The following ADSS2 variants were observed in gnomAD, a reference collection of about 807,000 sequenced individuals.
ADSS2 encodes adenylosuccinate synthase 2, also known as adenylosuccinate synthetase isozyme 2.
A neutral mutation model predicts 60.0 loss-of-function variants in ADSS2; 30 were observed. That is an observed-to-expected ratio of 0.50 (90% CI 0.37 to 0.68). ADSS2 has a LOEUF of 0.68. Ranked by LOEUF, ADSS2 falls within the 30% of genes least tolerant of loss-of-function variation. ADSS2 has a pLI of 0.00. For missense variants in ADSS2, 373 were observed against 554.8 expected, an observed-to-expected ratio of 0.67 and a Z score of 3.29; for synonymous variants, 187 against 193.1, an observed-to-expected ratio of 0.97 and a Z score of 0.26.
intron 3 of ADSS2, among the ~76,000 whole-genome samples, chr1:244,435,706 C>T (rs911399325): frequency 2.0e-5 from 3 of 152,156 alleles, no homozygotes; most frequent in Non-Finnish European, 4.4e-5. Flanking sequence ...CACCAACATT[C>T]TTGACTCTGA....
At chr1:244,421,961 G>A (rs987491040) in intron 7 of ADSS2, among the ~76,000 whole-genome samples, 5 of 152,134 alleles carry the variant, frequency 3.3e-5, no homozygotes, top group East Asian at 3.9e-4. Flanking sequence ...GTGACAAAGC[G>A]AGACCCTGTC....
chr1:244,419,269 C>T (rs144181539), intron 8 of ADSS2: 333 of 162,624 alleles, frequency 2.0e-3, no homozygotes, highest in African/African-American at 7.3e-3. Flanking sequence ...ACAAATATGA[C>T]TCCCTCATAC....
intron 10 of ADSS2, among the ~76,000 whole-genome samples, chr1:244,416,900 G>C (rs1256820583): frequency 1.3e-5 from 2 of 152,164 alleles, no homozygotes; most frequent in African/African-American, 4.8e-5. Flanking sequence ...CTGGAAAACA[G>C]GTTTTAAAGA....
In ADSS2 at chr1:244,437,736, CACA is replaced by C; in HGVS notation, c.213_215del (p.Val72del). On this transcript the variant is annotated inframe_deletion, in exon 2 of 13. Coordinates refer to ENST00000366535, the MANE Select transcript of ADSS2 (RefSeq NM_001126.5). Reference sequence around the variant, plus strand: ...GATGAAAATCATATTCCACAGAATCCACAACAACTGTATGGCCAGCATTATTTC... The same window carrying C: ...GATGAAAATCATATTCCACAGAATCCACAACTGTATGGCCAGCATTATTTC... The C allele has an allele frequency of 6.2e-7, 1 of 1,608,318 alleles. No homozygotes were observed. The highest frequency in any genetic ancestry group is 8.5e-7 in the Non-Finnish European group (1 of 1,175,000).
In ADSS2 at chr1:244,417,681, G is replaced by C. The variant is rs1428560406; in HGVS notation, c.1017C>G (p.Gly339=). The part of the protein sequence containing the change: ...GVTTGRKRRC[G]WLDLVLLKYA... ...ATTTGAGCAAAACGAGGTCCAACCA[G>C]CCACATCTTCTTTTCCTTCCAGTAG... Residue 339 remains glycine (G), a synonymous_variant, in exon 10 of 13, where the codon GGC becomes GGG. Transcript: ENST00000366535. The C allele has an allele frequency of 1.9e-6, 3 of 1,612,850 alleles. No homozygotes were observed. The highest frequency in any genetic ancestry group is 2.5e-6 in the Non-Finnish European group (3 of 1,179,784).
At position 244,417,654 on chromosome 1, in the gene ADSS2, A is replaced by G. The variant is rs1208855283; in HGVS notation, c.1044T>C (p.Tyr348=). ...CAGTAAATCCATTGATCATATGAGC[A>G]TATTTGAGCAAAACGAGGTCCAACC... ...CGWLDLVLLK[Y]AHMINGFTAL... is the part of the protein sequence containing the mutation. Residue 348 remains tyrosine, a synonymous_variant, in exon 10 of 13, where the codon TAT becomes TAC. Coordinates refer to ENST00000366535, the MANE Select transcript of ADSS2 (RefSeq NM_001126.5). The G allele has an allele frequency of 3.0e-5, 49 of 1,612,402 alleles. No individual in the cohort carries two copies. The highest frequency in any genetic ancestry group is 3.8e-5 in the Non-Finnish European group (45 of 1,179,954).
chr1:244,418,492 T>A (rs1656310827), intron 9 of ADSS2, among the ~76,000 whole-genome samples: 1 of 152,116 alleles, frequency 6.6e-6, no homozygotes, highest in African/African-American at 2.4e-5. Flanking sequence ...AGCTAATGTT[T>A]GTATTTTTTG....
intron 7 of ADSS2, among the ~76,000 whole-genome samples, chr1:244,422,052 T>C (rs1458221667): frequency 6.6e-6 from 1 of 152,184 alleles, no homozygotes; most frequent in African/African-American, 2.4e-5. Flanking sequence ...CAATAATCAG[T>C]GCACTGAAAT....
chr1:244,439,464 C>A (rs1010947207), intron 1 of ADSS2, among the ~76,000 whole-genome samples: 2 of 152,170 alleles, frequency 1.3e-5, no homozygotes, highest in Non-Finnish European at 2.9e-5. Context: ...GAACTAGGGC[C>A]TGTGACGGGG....
intron 1 of ADSS2, among the ~76,000 whole-genome samples, chr1:244,447,059 T>G (rs922009886): frequency 3.3e-5 from 5 of 152,154 alleles, no homozygotes; most frequent in African/African-American, 9.7e-5. Context: ...CAGAGCCAGA[T>G]TAGCCACAGG....
chr1:244,423,058 T>C (rs1263823989), intron 6 of ADSS2, 142 bp from the exon 7 acceptor site: 1 of 532,954 alleles, frequency 1.9e-6, no homozygotes, highest in Non-Finnish European at 3.3e-6. Flanking sequence ...TTCTGAGAAA[T>C]AAAATTTAAT....
rs1221400100 is a variant in ADSS2, at chr1:244,437,662, T to C, written c.286+4A>G. 2 of 1,559,626 alleles carry C rather than the reference T, an allele frequency of 1.3e-6. No homozygotes were observed. The highest frequency in any genetic ancestry group is 1.8e-6 in the Non-Finnish European group (2 of 1,131,900). On this transcript the variant is annotated splice_donor_region_variant and intron_variant, in intron 2 of 12. Transcript: ENST00000366535. ...TCTCCATGCAGTTCAGTTTATATACTTACCAATGAATGCAGTGACATTTGG... is the reference window on the plus strand; with the variant it reads ...TCTCCATGCAGTTCAGTTTATATACCTACCAATGAATGCAGTGACATTTGG...
At chr1:244,445,767 T>TC (rs1053709387) in intron 1 of ADSS2, among the ~76,000 whole-genome samples, 10 of 152,134 alleles carry the variant, frequency 6.6e-5, no homozygotes, top group African/African-American at 2.2e-4. Context: ...CTTTCTTCGC[T>TC]CCCCCAAGTG....
intron 1 of ADSS2, among the ~76,000 whole-genome samples, chr1:244,447,855 T>C (rs1306858581): frequency 6.6e-6 from 1 of 152,210 alleles, no homozygotes; most frequent in Non-Finnish European, 1.5e-5. Context: ...AGGGGTGATC[T>C]TGCCACCCAG....
Position 244,447,935 on chromosome 1 carries a change from A to G in ADSS2, c.183+3700T>C, listed in dbSNP as rs542708848. Among the ~76,000 whole-genome samples, 8 of 152,322 alleles carry G rather than the reference A, an allele frequency of 5.3e-5. No individual in the cohort carries two copies. The East Asian group carries it at 1.5e-3, about 29-fold the overall frequency. On this transcript the variant is annotated intron_variant, in intron 1 of 12. Coordinates refer to ENST00000366535, the MANE Select transcript of ADSS2 (RefSeq NM_001126.5). ...GTGCTACAGAATAAGAAAAGGAAGA[A>G]GTCTCCCTTTTGAGAAAATTTACAT... is the stretch of plus-strand genomic sequence containing the variant.
Position 244,409,588 on chromosome 1 carries a change from A to T in ADSS2, c.1369T>A (p.Ter457LysextTer1). The change falls in exon 13 of 13, where the codon TAA (stop) becomes AAA (lysine). Residue 457 changes from the stop codon to lysine (K), a stop_lost. Coordinates refer to ENST00000366535, the MANE Select transcript of ADSS2 (RefSeq NM_001126.5). ...GTTTCTTGCATTACTGGCAATCATT[A>T]AAAGAGTTGAATCATAGATTCTCTG... Reference protein sequence around the residue: ...KSRESMIQLF* With the variant: ...KSRESMIQLFK 1 of 1,606,958 alleles carries T rather than the reference A, an allele frequency of 6.2e-7. No homozygotes were observed. Among genetic ancestry groups the T allele is most frequent in the Non-Finnish European group, 8.5e-7 (1 of 1,174,172 alleles).
chr1:244,420,322 T>C, intron 7 of ADSS2, 26 bp from the exon 8 acceptor site: 1 of 1,585,232 alleles, frequency 6.3e-7, no homozygotes, highest in African/African-American at 1.4e-5. Context: ...AAAACCAATT[T>C]CCATGTATAC....
At chr1:244,432,352 A>T (rs1269470485) in intron 4 of ADSS2, among the ~76,000 whole-genome samples, 193 bp downstream of exon 4, 1 of 152,190 alleles carries the variant, frequency 6.6e-6, no homozygotes, top group Non-Finnish European at 1.5e-5. Flanking sequence ...TTTTTCAAAC[A>T]GGTAAATTTC....
chr1:244,432,414 A>G, intron 4 of ADSS2, 131 bp downstream of exon 4: 1 of 626,326 alleles, frequency 1.6e-6, no homozygotes, highest in Non-Finnish European at 2.6e-6. Context: ...TTGTATTTAG[A>G]ACTCAATTAC....
Sources: gnomAD v4.1 joint callset for allele counts (sites outside exome capture counted in the v4.1 genomes callset) on GRCh38, gnomAD v4.1.1 for gene constraint, MANE v1.5 for transcripts, NCBI Gene and HGNC (gene_info 2026-07-23, HGNC 2026-07-21) for gene names.